The following NKAIN2 variants were observed in gnomAD, a reference collection of about 807,000 sequenced individuals.
The protein encoded by NKAIN2 is sodium/potassium-transporting ATPase subunit beta-1-interacting protein 2.
NKAIN2 carries 14 observed loss-of-function variants against 32.6 expected under a neutral mutation model. The observed-to-expected ratio is 0.43, with a 90% CI of 0.28 to 0.67. NKAIN2 has a LOEUF of 0.67. NKAIN2 is among the 30% of genes least tolerant of loss of function. NKAIN2 has a pLI of 0.17. For missense variants in NKAIN2, 198 were observed against 258.3 expected, an observed-to-expected ratio of 0.77 and a Z score of 1.60; for synonymous variants, 80 against 87.2, an observed-to-expected ratio of 0.92 and a Z score of 0.46.
chr6:124,103,561 A>AT, intron 1 of NKAIN2, among the ~76,000 whole-genome samples: 1 of 152,282 alleles, frequency 6.6e-6, no homozygotes, highest in African/African-American at 2.4e-5. Flanking sequence ...TCATGGAATT[A>AT]TTTTTCTAAT....
rs115105460 is a variant in NKAIN2, at chr6:124,212,029, T to C, written c.55-70976T>C. ...ACCTTGCTTTGTGGGATTTACAGTT[T>C]ATTGAATAAGAACAGAATATGATTA... On this transcript the variant is annotated intron_variant, in intron 1 of 6. Transcript: ENST00000368417. 5.3e-5 allele frequency among the ~76,000 whole-genome samples: 8 copies of C among 152,222 alleles called. No homozygotes were observed. The East Asian group carries it at 1.5e-3, about 29-fold the overall frequency.
chr6:124,270,109 CCTT>C (rs1303877333), intron 1 of NKAIN2, among the ~76,000 whole-genome samples: 1 of 152,262 alleles, frequency 6.6e-6, no homozygotes, highest in East Asian at 1.9e-4. Flanking sequence ...TGTGACATCT[CCTT>C]CTCCTGATGA....
chr6:124,216,562 C>T (rs1048374844), intron 1 of NKAIN2, among the ~76,000 whole-genome samples: 5 of 152,256 alleles, frequency 3.3e-5, no homozygotes, highest in African/African-American at 1.2e-4. Context: ...TGTTTAGTGT[C>T]ACATTATTTT....
chr6:124,794,823 T>C, intron 5 of NKAIN2: 1 of 920,600 alleles, frequency 1.1e-6, no homozygotes, highest in Non-Finnish European at 1.3e-6. Flanking sequence ...ATGTAATCAC[T>C]TTCCTGATGT....
chr6:124,085,806 A>T (rs1035075490), intron 1 of NKAIN2, among the ~76,000 whole-genome samples: 42 of 151,896 alleles, frequency 2.8e-4, no homozygotes, highest in African/African-American at 9.9e-4. Flanking sequence ...TGTGAATGAG[A>T]TTATGACGGC....
intron 2 of NKAIN2, among the ~76,000 whole-genome samples, chr6:124,348,887 C>G (rs192988158): frequency 2.0e-5 from 3 of 152,102 alleles, no homozygotes; most frequent in Non-Finnish European, 4.4e-5. Flanking sequence ...TCGGGTCACT[C>G]CCACCCCAAT....
intron 5 of NKAIN2, among the ~76,000 whole-genome samples, chr6:124,807,628 A>G (rs1780643571): frequency 1.4e-5 from 2 of 148,084 alleles, no homozygotes; most frequent in Middle Eastern, 3.4e-3. Context: ...AAGGCAAGAA[A>G]TAACTAAAAT....
At chr6:124,422,265 G>A (rs1396149494) in intron 3 of NKAIN2, among the ~76,000 whole-genome samples, 1 of 151,698 alleles carries the variant, frequency 6.6e-6, no homozygotes, top group Non-Finnish European at 1.5e-5. Flanking sequence ...CCTTCTTTGT[G>A]GGATCTCTTA....
At chr6:123,879,182 A>G (rs1328388086) in intron 1 of NKAIN2, among the ~76,000 whole-genome samples, 1 of 152,116 alleles carries the variant, frequency 6.6e-6, no homozygotes, top group Non-Finnish European at 1.5e-5. Flanking sequence ...TTGGGGCTAG[A>G]AAGTCATCAC....
chr6:123,876,437 A>G (rs561475052), intron 1 of NKAIN2, among the ~76,000 whole-genome samples: 3 of 152,266 alleles, frequency 2.0e-5, no homozygotes, highest in South Asian at 4.1e-4. Context: ...TGTATACACA[A>G]ACGGTCATAT....
chr6:124,446,616 TACAGGCATCAGCCGTC>T (rs1775904716), intron 3 of NKAIN2, among the ~76,000 whole-genome samples: 1 of 152,152 alleles, frequency 6.6e-6, no homozygotes, highest in African/African-American at 2.4e-5. Context: ...GTGCTGGAAT[TACAGGCATCAGCCGTC>T]ACACCTGACA....
chr6:124,327,518 A>C (rs1440805333), intron 2 of NKAIN2, among the ~76,000 whole-genome samples: 1 of 152,164 alleles, frequency 6.6e-6, no homozygotes, highest in African/African-American at 2.4e-5. Flanking sequence ...GGCATCTAAT[A>C]GAATAGTGAA....
intron 3 of NKAIN2, among the ~76,000 whole-genome samples, chr6:124,637,982 C>T (rs1783835694): frequency 6.6e-6 from 1 of 152,078 alleles, no homozygotes; most frequent in Non-Finnish European, 1.5e-5. Context: ...AAACTGAAGG[C>T]ATCATACTAT....
chr6:124,234,426 A>C (rs1792633223), intron 1 of NKAIN2, among the ~76,000 whole-genome samples: 1 of 152,152 alleles, frequency 6.6e-6, no homozygotes, highest in Non-Finnish European at 1.5e-5. Context: ...GAATAATTCC[A>C]AGTGAAACCA....
At chr6:124,149,647 C>G (rs1787597901) in intron 1 of NKAIN2, among the ~76,000 whole-genome samples, 1 of 152,152 alleles carries the variant, frequency 6.6e-6, no homozygotes, top group Admixed American at 6.5e-5. Flanking sequence ...CTATATCTAG[C>G]CTTGTACCAG....
At chr6:123,893,427 G>A (rs1774112623) in intron 1 of NKAIN2, among the ~76,000 whole-genome samples, 1 of 152,110 alleles carries the variant, frequency 6.6e-6, no homozygotes, top group African/African-American at 2.4e-5. Context: ...GGCTGGTCTA[G>A]AACTTATGGC....
Position 124,212,028 on chromosome 6 carries a change from T to A in NKAIN2, c.55-70977T>A, listed in dbSNP as rs192423742. Among the ~76,000 whole-genome samples, 687 of 152,198 alleles carry A rather than the reference T, an allele frequency of 4.5e-3. 2 individuals are homozygous for A. The highest frequency in any genetic ancestry group is 7.7e-3 in the Non-Finnish European group (526 of 67,960). On this transcript the variant is annotated intron_variant, in intron 1 of 6. Transcript: ENST00000368417. ...AACCTTGCTTTGTGGGATTTACAGT[T>A]TATTGAATAAGAACAGAATATGATT...
At chr6:123,883,873 C>T (rs1234790975) in intron 1 of NKAIN2, among the ~76,000 whole-genome samples, 1 of 110,088 alleles carries the variant, frequency 9.1e-6, no homozygotes, top group Admixed American at 1.4e-4. Context: ...CCAGCCTGGG[C>T]GACAGAGCGA....
chr6:124,121,483 TATTA>T (rs1316750339), intron 1 of NKAIN2, among the ~76,000 whole-genome samples: 1 of 152,092 alleles, frequency 6.6e-6, no homozygotes, highest in Non-Finnish European at 1.5e-5. Context: ...ACCAAGATAC[TATTA>T]ATTATAATAA....
Sources: allele counts gnomAD v4.1 joint callset (sites outside exome capture counted in the v4.1 genomes callset), GRCh38; gene constraint gnomAD v4.1.1; transcripts MANE v1.5; gene names NCBI Gene and HGNC (gene_info 2026-07-23, HGNC 2026-07-21).